MTCL2: variants seen among roughly 807,000 people sequenced by gnomAD.
The protein encoded by MTCL2 is microtubule cross-linking factor 2.
At chr20:36,793,106 T>C in the MTCL2 span, 12 of 1,022,266 alleles carry the variant, frequency 1.2e-5, no homozygotes, top group South Asian at 1.6e-4. The surrounding 1 kb of genome is among the most constrained non-coding windows in gnomAD (Gnocchi z 6.8). Context: ...GGTTTCACCA[T>C]GTTGGCCAGA....
the MTCL2 span, among the ~76,000 whole-genome samples, chr20:36,792,907 AT>A: frequency 5.2e-3 from 754 of 145,420 alleles, 8 homozygotes; most frequent in African/African-American, 0.016. Context: ...CAGATAGATA[AT>A]TTTTTTTTTT....
chr20:36,779,885 G>A, the MTCL2 span: 1 of 152,176 alleles, frequency 6.6e-6, no homozygotes, highest in Non-Finnish European at 1.5e-5. Context: ...CATGGACCAG[G>A]GCCACTCCAT....
the MTCL2 span, chr20:36,803,062 C>A: frequency 1.2e-6 from 2 of 1,608,792 alleles, no homozygotes; most frequent in Non-Finnish European, 1.7e-6. Context: ...GCCTTCCAGT[C>A]GGGCCCTGCC....
chr20:36,821,197 A>G, the MTCL2 span, among the ~76,000 whole-genome samples: 1 of 152,180 alleles, frequency 6.6e-6, no homozygotes, highest in African/African-American at 2.4e-5. Context: ...TTTTTGCTTC[A>G]CTGAGTTTAT....
At chr20:36,839,868 TTTG>T in the MTCL2 span, among the ~76,000 whole-genome samples, 2 of 152,168 alleles carry the variant, frequency 1.3e-5, no homozygotes, top group Non-Finnish European at 2.9e-5. This position sits in a 1 kb window ranked among gnomAD's most constrained non-coding sequence, Gnocchi z 5.1. Flanking sequence ...TGTTCATTTT[TTTG>T]TTGTTTTTGA....
the MTCL2 span, among the ~76,000 whole-genome samples, chr20:36,850,384 G>A: frequency 7.2e-5 from 11 of 152,072 alleles, no homozygotes; most frequent in African/African-American, 1.9e-4. Flanking sequence ...AAAATTAGCC[G>A]GGCGTGGTGG....
chr20:36,815,725 G>C, the MTCL2 span: 1 of 1,597,126 alleles, frequency 6.3e-7, no homozygotes, highest in African/African-American at 1.3e-5. The surrounding 1 kb of genome is among the most constrained non-coding windows in gnomAD (Gnocchi z 5.3). Flanking sequence ...GCGGCCGCCA[G>C]CTCCTCCTGT....
the MTCL2 span, among the ~76,000 whole-genome samples, chr20:36,806,716 CAT>C: frequency 6.6e-6 from 1 of 152,106 alleles, no homozygotes; most frequent in Non-Finnish European, 1.5e-5. Context: ...GACAGGGTTT[CAT>C]CACGTTGACC....
chr20:36,831,350 C>T, the MTCL2 span, among the ~76,000 whole-genome samples: 1 of 152,212 alleles, frequency 6.6e-6, no homozygotes, highest in Admixed American at 6.5e-5. Flanking sequence ...CTGGGAGCCC[C>T]AGGGGTTTGG....
the MTCL2 span, chr20:36,784,053 G>GT: frequency 3.0e-6 from 3 of 985,410 alleles, no homozygotes; most frequent in African/African-American, 5.2e-5. Flanking sequence ...CGGTACGATG[G>GT]TAAGGCTGAG....
the MTCL2 span, among the ~76,000 whole-genome samples, chr20:36,831,738 G>A: frequency 7.9e-5 from 12 of 152,320 alleles, no homozygotes; most frequent in East Asian, 1.9e-3. Context: ...CCTCATCCAC[G>A]AAGTGGGGAG....
chr20:36,858,597 A>C, the MTCL2 span, among the ~76,000 whole-genome samples: 1 of 152,144 alleles, frequency 6.6e-6, no homozygotes, highest in East Asian at 1.9e-4. Context: ...AAAACTAAGG[A>C]AATCCACCCT....
chr20:36,820,096 G>C, the MTCL2 span, among the ~76,000 whole-genome samples: 2 of 152,362 alleles, frequency 1.3e-5, 1 homozygote, highest in South Asian at 4.1e-4. Flanking sequence ...CCTATTACAA[G>C]CTGAGTGGGA....
chr20:36,791,046 T>G, the MTCL2 span, among the ~76,000 whole-genome samples: 20,075 of 151,974 alleles, frequency 0.13, 2,356 homozygotes, highest in African/African-American at 0.31. Flanking sequence ...ATTTTTTTTT[T>G]TGTGTGGAGA....
At chr20:36,856,136 G>A in the MTCL2 span, among the ~76,000 whole-genome samples, 2 of 152,264 alleles carry the variant, frequency 1.3e-5, no homozygotes, top group East Asian at 3.9e-4. Flanking sequence ...TCCGTTTCAA[G>A]CCTGTGGTCC....
At chr20:36,836,104 TTGGAATCTGAA>T in the MTCL2 span, among the ~76,000 whole-genome samples, 3 of 123,092 alleles carry the variant, frequency 2.4e-5, no homozygotes, top group African/African-American at 9.4e-5. Context: ...AACCCAGTGA[TTGGAATCTGAA>T]TATGCCCGGG....
At chr20:36,838,297 A>T in the MTCL2 span, among the ~76,000 whole-genome samples, 1 of 152,166 alleles carries the variant, frequency 6.6e-6, no homozygotes, top group South Asian at 2.1e-4. Context: ...TTTCATTAGC[A>T]TAATTAAGGA....
the MTCL2 span, chr20:36,793,887 G>A: frequency 5.8e-6 from 9 of 1,550,436 alleles, no homozygotes; most frequent in Non-Finnish European, 7.8e-6. This position sits in a 1 kb window ranked among gnomAD's most constrained non-coding sequence, Gnocchi z 6.8. Context: ...TTGCCATGGA[G>A]GCTGCTGCGG....
the MTCL2 span, chr20:36,784,348 T>G: frequency 1.0e-6 from 1 of 985,766 alleles, no homozygotes; most frequent in East Asian, 1.1e-4. Context: ...GGCATGACCC[T>G]GGTGTTCAGC....
Sources: allele counts gnomAD v4.1 joint callset (sites outside exome capture counted in the v4.1 genomes callset), GRCh38; gene constraint gnomAD v4.1.1; non-coding constraint Gnocchi (gnomAD v3.1); transcripts MANE v1.5; gene names NCBI Gene and HGNC (gene_info 2026-07-23, HGNC 2026-07-21).